TPST1: variants seen among roughly 807,000 people sequenced by gnomAD.
TPST1 encodes the protein tyrosylprotein sulfotransferase 1.
A neutral mutation model predicts 34.8 loss-of-function variants in TPST1; 20 were observed. The ratio of observed to expected loss-of-function variants is 0.57; its 90% CI spans 0.40 to 0.84. The LOEUF is 0.84. TPST1 is among the 40% of genes least tolerant of loss of function. The pLI is 0.00. For missense variants in TPST1, 353 were observed against 455.5 expected (o/e 0.78, Z 2.05); for synonymous variants, 152 against 159.4 (o/e 0.95, Z 0.35).
At chr7:66,349,912 A>G (rs1051167589) in intron 3 of TPST1, among the ~76,000 whole-genome samples, 9 of 152,170 alleles carry the variant, frequency 5.9e-5, no homozygotes, top group Non-Finnish European at 1.5e-5. Context: ...TAGGCAGGCA[A>G]AGTAGATGGA....
chr7:66,348,321 C>T (rs543215844), intron 3 of TPST1, among the ~76,000 whole-genome samples: 1 of 152,164 alleles, frequency 6.6e-6, no homozygotes, highest in South Asian at 2.1e-4. Context: ...CAGAAGCTTC[C>T]CATTTCACTA....
intron 1 of TPST1, among the ~76,000 whole-genome samples, chr7:66,207,775 T>G (rs893017774): frequency 1.3e-4 from 20 of 152,314 alleles, no homozygotes; most frequent in African/African-American, 4.1e-4. Context: ...GATGCTTGAT[T>G]ACTTCAAATG....
At chr7:66,261,232 C>CTTTTTTTTTTTTTT (rs36114007) in intron 2 of TPST1, among the ~76,000 whole-genome samples, 1 of 126,706 alleles carries the variant, frequency 7.9e-6, no homozygotes. Context: ...CGTATATTGT[C>CTTTTTTTTTTTTTT]TTTTTTTTTT....
In TPST1 at chr7:66,304,241, C is replaced by A. The variant is rs548375796; in HGVS notation, c.1044+17532C>A. On this transcript the variant is annotated intron_variant, in intron 3 of 5. Transcript: ENST00000304842. ...GAGGAATAGGCACTGATGACTGAAA[C>A]CTGCAGCTCTAGAGAGGGCAGAGAA... 3.3e-5 allele frequency among the ~76,000 whole-genome samples: 5 copies of A among 152,284 alleles called. No homozygotes were observed. In the South Asian group the frequency reaches 1.0e-3, roughly 32 times the overall value.
At chr7:66,283,427 G>A (rs977932287) in intron 2 of TPST1, among the ~76,000 whole-genome samples, 1 of 152,092 alleles carries the variant, frequency 6.6e-6, no homozygotes, top group Non-Finnish European at 1.5e-5. Flanking sequence ...GGGTTAGATA[G>A]TAAATATTTT....
chr7:66,326,471 T>C (rs1791869361), intron 3 of TPST1, among the ~76,000 whole-genome samples: 1 of 152,246 alleles, frequency 6.6e-6, no homozygotes, highest in Non-Finnish European at 1.5e-5. Context: ...ATATATTAAC[T>C]GTCTTTCAGT....
intron 2 of TPST1, among the ~76,000 whole-genome samples, chr7:66,282,490 T>C (rs1790951492): frequency 6.6e-6 from 1 of 152,190 alleles, no homozygotes; most frequent in African/African-American, 2.4e-5. Context: ...AACTCCTGCT[T>C]TGAAAATGTT....
In TPST1 at chr7:66,359,922, G is replaced by A. The variant is rs564461417; in HGVS notation, c.*57G>A. 1 of 456,730 alleles carries A rather than the reference G, an allele frequency of 2.2e-6. No individual in the cohort carries two copies. The highest frequency in any genetic ancestry group is 2.0e-5 in the African/African-American group (1 of 50,204). 28.3% of individuals were successfully genotyped at this position (456,730 alleles called of 1,614,324 possible). On this transcript the variant is annotated 3_prime_UTR_variant, in exon 6 of 6. Transcript: ENST00000304842. The stretch of plus-strand genomic sequence containing the variant: ...AAGATTGCTGCCTTTTCAGCAGAAG[G>A]GAAATTCCTAGGATTGGCTGTCCCC...
rs571852197 is a variant in TPST1, at chr7:66,266,569, TACAG to T, written c.846-19940_846-19937del. ...ACTTTAAAAATTACACTAAAAGACT[TACAG>T]AAGAATATTTATAGCAGCACTATTC... On this transcript the variant is annotated intron_variant, in intron 2 of 5. Transcript: ENST00000304842. 1.6e-4 allele frequency among the ~76,000 whole-genome samples: 25 copies of T among 152,340 alleles called. No homozygotes were observed. In the East Asian group the frequency reaches 4.6e-3, roughly 28 times the overall value.
intron 3 of TPST1, among the ~76,000 whole-genome samples, chr7:66,347,141 C>T (rs572651650): frequency 1.6e-5 from 2 of 121,678 alleles, no homozygotes; most frequent in African/African-American, 6.2e-5. Context: ...GATCACAACT[C>T]ATTGCAACCT....
intron 2 of TPST1, among the ~76,000 whole-genome samples, chr7:66,262,988 T>C (rs1038615250): frequency 4.6e-5 from 7 of 151,972 alleles, no homozygotes; most frequent in African/African-American, 1.7e-4. Context: ...TAGTCCCAGC[T>C]ACTGGGGAGG....
At chr7:66,293,844 CTGAT>C (rs972809589) in intron 3 of TPST1, among the ~76,000 whole-genome samples, 28 of 152,152 alleles carry the variant, frequency 1.8e-4, no homozygotes, top group African/African-American at 5.1e-4. Flanking sequence ...CACTAGCCTT[CTGAT>C]TAAGAGAAAG....
At chr7:66,223,349 G>C (rs918114602) in intron 1 of TPST1, among the ~76,000 whole-genome samples, 1 of 151,258 alleles carries the variant, frequency 6.6e-6, no homozygotes, top group Non-Finnish European at 1.5e-5. Context: ...TGCAGTCCCA[G>C]CTACTTAGGA....
intron 2 of TPST1, among the ~76,000 whole-genome samples, chr7:66,278,129 A>T (rs1030280072): frequency 6.8e-6 from 1 of 147,012 alleles, no homozygotes; most frequent in Non-Finnish European, 1.5e-5. Context: ...AAAAAAAAAA[A>T]TTGCAGAAAT....
chr7:66,225,988 G>A (rs1361079762), intron 1 of TPST1, among the ~76,000 whole-genome samples: 3 of 151,958 alleles, frequency 2.0e-5, no homozygotes, highest in South Asian at 2.1e-4. Flanking sequence ...CCAGGTTCAC[G>A]CCATTCTCCT....
intron 5 of TPST1, among the ~76,000 whole-genome samples, chr7:66,358,552 G>C (rs1053265001): frequency 6.6e-6 from 1 of 152,132 alleles, no homozygotes; most frequent in Non-Finnish European, 1.5e-5. Context: ...TGAGAAAACA[G>C]GTTGAATGTG....
At chr7:66,266,357 A>G (rs975387235) in intron 2 of TPST1, among the ~76,000 whole-genome samples, 1 of 152,192 alleles carries the variant, frequency 6.6e-6, no homozygotes, top group East Asian at 1.9e-4. Context: ...ACCCCTCTAT[A>G]TTCACCAGAA....
intron 3 of TPST1, among the ~76,000 whole-genome samples, chr7:66,338,803 C>T (rs543922529): frequency 3.9e-5 from 6 of 151,968 alleles, no homozygotes; most frequent in Non-Finnish European, 7.4e-5. Context: ...ACAGCAAAAG[C>T]GGTTCTAAGA....
chr7:66,248,456 T>C (rs781464812), intron 2 of TPST1, among the ~76,000 whole-genome samples: 7 of 151,924 alleles, frequency 4.6e-5, no homozygotes, highest in African/African-American at 7.3e-5. Flanking sequence ...TTTACAAAAC[T>C]GATACACTTT....
Sources: allele counts gnomAD v4.1 joint callset (sites outside exome capture counted in the v4.1 genomes callset), GRCh38; gene constraint gnomAD v4.1.1; transcripts MANE v1.5; gene names NCBI Gene and HGNC (gene_info 2026-07-23, HGNC 2026-07-21).